ERC1: variants seen among roughly 807,000 people sequenced by gnomAD.
ERC1 encodes RAB6 interacting protein 2.
A neutral mutation model predicts 132.0 loss-of-function variants in ERC1; 56 were observed. The ratio of observed to expected loss-of-function variants is 0.42; its 90% CI spans 0.34 to 0.53. The LOEUF is 0.53. Among genes scored for constraint, ERC1 ranks in the 20% least tolerant of loss-of-function variants. The probability of loss-of-function intolerance (pLI) is 0.03; values close to 1 mark genes in which losing one functional copy is unlikely to be tolerated. For missense variants in ERC1, 1,202 were observed against 1,349.9 expected (o/e 0.89, Z 1.72); for synonymous variants, 478 against 476.1 (o/e 1.00, Z -0.05).
At chr12:1,421,389 A>G (rs539902975) in intron 17 of ERC1, among the ~76,000 whole-genome samples, 1 of 152,302 alleles carries the variant, frequency 6.6e-6, no homozygotes, top group African/African-American at 2.4e-5. Flanking sequence ...CTCAGAGGCT[A>G]GGGTCTTCCA....
intron 18 of ERC1, among the ~76,000 whole-genome samples, chr12:1,451,538 T>C (rs2093425523): frequency 6.6e-6 from 1 of 152,132 alleles, no homozygotes; most frequent in African/African-American, 2.4e-5. Context: ...GGTGGGAGGA[T>C]CACTTTAGCT....
At chr12:1,319,200 G>C (rs1231724783) in intron 15 of ERC1, among the ~76,000 whole-genome samples, 4 of 152,016 alleles carry the variant, frequency 2.6e-5, no homozygotes, top group African/African-American at 9.7e-5. Context: ...CAGTTTTATT[G>C]CTTTAAAAGT....
intron 12 of ERC1, among the ~76,000 whole-genome samples, chr12:1,211,369 G>A (rs1957854770): frequency 6.6e-6 from 1 of 151,948 alleles, no homozygotes; most frequent in African/African-American, 2.4e-5. Flanking sequence ...GGCTGGTCTC[G>A]AATTCCCATC....
intron 15 of ERC1, among the ~76,000 whole-genome samples, chr12:1,334,617 T>A (rs2083153973): frequency 6.6e-6 from 1 of 152,220 alleles, no homozygotes; most frequent in Non-Finnish European, 1.5e-5. Flanking sequence ...GTTACCAGGC[T>A]GTTTTGGTTA....
At chr12:1,412,160 G>T (rs2091889085) in intron 17 of ERC1, among the ~76,000 whole-genome samples, 2 of 152,174 alleles carry the variant, frequency 1.3e-5, no homozygotes, top group African/African-American at 2.4e-5. Context: ...ATGCATGAGT[G>T]ACCCCTAAAA....
chr12:1,411,766 C>G (rs950746628), intron 17 of ERC1, among the ~76,000 whole-genome samples: 50 of 152,174 alleles, frequency 3.3e-4, no homozygotes, highest in African/African-American at 1.2e-3. Flanking sequence ...AGCTTCTTAG[C>G]TTCCTTCAGC....
At position 1,294,275 on chromosome 12, in the gene ERC1, C is replaced by T. The variant is rs116340636; in HGVS notation, c.2780+4263C>T. The stretch of plus-strand genomic sequence containing the variant: ...CCTTTCTCCTTCTTTAAATTTTAAA[C>T]TTATTCCACATTTTAGCTTTTTAAG... On this transcript the variant is annotated intron_variant, in intron 15 of 18. Transcript: ENST00000360905. Among the ~76,000 whole-genome samples, 1,345 of 152,190 alleles carry T rather than the reference C, an allele frequency of 8.8e-3. 17 individuals carry two copies. Among genetic ancestry groups the T allele is most frequent in the African/African-American group, 0.03 (1,242 of 41,508 alleles).
chr12:1,169,884 G>A (rs1258651994), intron 8 of ERC1, among the ~76,000 whole-genome samples: 2 of 152,064 alleles, frequency 1.3e-5, no homozygotes, highest in Non-Finnish European at 2.9e-5. Flanking sequence ...TGAAAGGTGT[G>A]GGTTAAATAA....
intron 3 of ERC1, among the ~76,000 whole-genome samples, chr12:1,101,202 T>C (rs947380450): frequency 3.3e-5 from 5 of 152,200 alleles, no homozygotes; most frequent in African/African-American, 1.2e-4. Flanking sequence ...TTCTCATTAT[T>C]ATATCTCCAA....
intron 8 of ERC1, among the ~76,000 whole-genome samples, chr12:1,175,658 C>T (rs1014959685): frequency 1.3e-5 from 2 of 151,814 alleles, no homozygotes. Flanking sequence ...CTGAGCCTCC[C>T]GAGTAGCTGG....
intron 18 of ERC1, among the ~76,000 whole-genome samples, chr12:1,450,719 C>T (rs544763896): frequency 3.9e-5 from 6 of 152,280 alleles, no homozygotes; most frequent in South Asian, 2.1e-4. Context: ...GAGGAACCAC[C>T]GTACTGTTTT....
At chr12:1,308,402 C>T (rs1325240051) in intron 15 of ERC1, among the ~76,000 whole-genome samples, 4 of 152,022 alleles carry the variant, frequency 2.6e-5, no homozygotes, top group African/African-American at 9.7e-5. Context: ...TTATGTTGTT[C>T]TGCATGCATA....
chr12:1,381,974 G>A (rs1408826475), intron 16 of ERC1, among the ~76,000 whole-genome samples: 4 of 152,118 alleles, frequency 2.6e-5, no homozygotes, highest in Non-Finnish European at 5.9e-5. Context: ...GTTGTTAATT[G>A]TATTTATTCT....
At position 1,187,302 on chromosome 12, in the gene ERC1, C is replaced by T. The variant is rs1353672647; in HGVS notation, c.2158-2557C>T. Among the ~76,000 whole-genome samples, 65 of 151,794 alleles carry T rather than the reference C, an allele frequency of 4.3e-4. 1 individual carries two copies. Among genetic ancestry groups the T allele is most frequent in the Admixed American group, 4.2e-3 (64 of 15,236 alleles). ...TCAGCAAGAATTTAGATGTAAACTACTCTGATACAGAATTTGTTGTCATAA... is the reference window on the plus strand; with the variant it reads ...TCAGCAAGAATTTAGATGTAAACTATTCTGATACAGAATTTGTTGTCATAA... On this transcript the variant is annotated intron_variant, in intron 11 of 18. Coordinates refer to ENST00000360905, the MANE Select transcript of ERC1 (RefSeq NM_178040.4).
At chr12:1,263,296 T>G in intron 14 of ERC1, 131 bp downstream of exon 14, 598 of 685,668 alleles carry the variant, frequency 8.7e-4, no homozygotes, top group Non-Finnish European at 1.2e-3. Context: ...AGAGGAGAAG[T>G]CCCAAGGAGT....
At position 1,265,067 on chromosome 12, in the gene ERC1, ACT is replaced by A. The variant is rs547457192; in HGVS notation, c.2619+1905_2619+1906del. Among the ~76,000 whole-genome samples, 9 of 152,178 alleles carry A rather than the reference ACT, an allele frequency of 5.9e-5. No individual in the cohort carries two copies. In the South Asian group the frequency reaches 1.9e-3, roughly 32 times the overall value. ...CTGTTCCTAGATAAATACCTTGTCTACTCTTTCTTCAAATACATTCCTAATGC... is the reference window on the plus strand; with the variant it reads ...CTGTTCCTAGATAAATACCTTGTCTACTTTCTTCAAATACATTCCTAATGC... On this transcript the variant is annotated intron_variant, in intron 14 of 18. Transcript: ENST00000360905.
At chr12:1,397,767 G>C (rs1407020031) in intron 16 of ERC1, among the ~76,000 whole-genome samples, 5 of 152,026 alleles carry the variant, frequency 3.3e-5, no homozygotes, top group Non-Finnish European at 7.4e-5. Flanking sequence ...ATATAGTTTT[G>C]ACTCTAGAAT....
At chr12:1,033,630 AT>A (rs1241334351) in intron 2 of ERC1, among the ~76,000 whole-genome samples, 1 of 151,660 alleles carries the variant, frequency 6.6e-6, no homozygotes, top group Non-Finnish European at 1.5e-5. Flanking sequence ...TGCCCGGCTA[AT>A]TTTTGTATTT....
In ERC1 at chr12:1,033,733, G is replaced by A. The variant is rs566933807; in HGVS notation, c.669+5161G>A. On this transcript the variant is annotated intron_variant, in intron 2 of 18. Transcript: ENST00000360905. ...CAACCTCCGCCTCCTGAGTTCAAGC[G>A]ATTCTCCTGCCTCAGCCTCCCAAGT... 5.3e-5 allele frequency among the ~76,000 whole-genome samples: 8 copies of A among 151,826 alleles called. No homozygotes were observed. In the South Asian group the frequency reaches 6.2e-4, roughly 12 times the overall value.
Sources: allele counts gnomAD v4.1 joint callset (sites outside exome capture counted in the v4.1 genomes callset), GRCh38; gene constraint gnomAD v4.1.1; transcripts MANE v1.5; gene names NCBI Gene and HGNC (gene_info 2026-07-23, HGNC 2026-07-21).